ABCA3: variants seen among roughly 807,000 people sequenced by gnomAD.
ABCA3 encodes phospholipid-transporting ATPase ABCA3.
ABCA3 carries 88 observed loss-of-function variants against 172.8 expected under a neutral mutation model. The observed-to-expected ratio is 0.51, with a 90% CI of 0.43 to 0.61. ABCA3 has a LOEUF of 0.61. Ranked by LOEUF, ABCA3 falls within the 20% of genes least tolerant of loss-of-function variation. The pLI is 0.00. For missense variants in ABCA3, 2,164 were observed against 2,301.0 expected, an observed-to-expected ratio of 0.94 and a Z score of 1.22; for synonymous variants, 1,066 against 983.8, an observed-to-expected ratio of 1.08 and a Z score of -1.56.
Position 2,284,995 on chromosome 16 carries a change from C to A in ABCA3, c.3487G>T (p.Val1163Leu), listed in dbSNP as rs1399531965. The change falls in exon 24 of 33, where the codon GTG becomes TTG. Residue 1163 changes from valine to leucine, a missense_variant. Physicochemically the swap from Val to Leu is conservative, Grantham distance 32. Transcript: ENST00000301732. This position sits in a 1 kb window ranked among gnomAD's most constrained non-coding sequence, Gnocchi z 5.9. ...FLIPSLLLLV[V>L]FKAFDVRAFT... ...GCACGCACGTCGAAGGCCTTAAACA[C>A]CACCTGCGGCGGCACAGGGAGGCGC... 6.2e-7 allele frequency: 1 copy of A among 1,612,434 alleles called. No individual in the cohort carries two copies. Among genetic ancestry groups the A allele is most frequent in the African/African-American group, 1.3e-5 (1 of 74,886 alleles).
intron 1 of ABCA3, among the ~76,000 whole-genome samples, chr16:2,333,667 A>T (rs1250986867): frequency 1.3e-5 from 2 of 151,568 alleles, no homozygotes; most frequent in African/African-American, 2.4e-5. Flanking sequence ...GGTACTAAGG[A>T]TTTGGAAATG....
In ABCA3 at chr16:2,297,491, T is replaced by A. The variant is rs773728596; in HGVS notation, c.2101A>T (p.Arg701Trp). Residue 701 changes from arginine (R) to tryptophan (W), a missense_variant, in exon 17 of 33, where the codon AGG (arginine) becomes TGG (tryptophan). By Grantham distance (101) the Arg-to-Trp change is moderately radical (BLOSUM62 -3). Coordinates refer to ENST00000301732, the MANE Select transcript of ABCA3 (RefSeq NM_001089.3). This position sits in a 1 kb window ranked among gnomAD's most constrained non-coding sequence, Gnocchi z 5.6. ...PTSGMDAISRRAIWDLLQRQK... is the reference protein window; with the variant it reads ...PTSGMDAISRWAIWDLLQRQK... Reference sequence around the variant, plus strand: ...CGCTGAAGAAGATCCCAGATGGCCCTCCTGGAGATGGCGTCCATGCCCGAG... The same window carrying A: ...CGCTGAAGAAGATCCCAGATGGCCCACCTGGAGATGGCGTCCATGCCCGAG... 1.7e-5 allele frequency: 27 copies of A among 1,613,532 alleles called. No homozygotes were observed. Among genetic ancestry groups the A allele is most frequent in the Non-Finnish European group, 2.3e-5 (27 of 1,180,010 alleles).
intron 7 of ABCA3, among the ~76,000 whole-genome samples, chr16:2,322,735 T>C (rs538337402): frequency 6.6e-6 from 1 of 152,170 alleles, no homozygotes; most frequent in East Asian, 1.9e-4. Context: ...ATTCAGGACA[T>C]AGGCATGGGC....
Position 2,297,122 on chromosome 16 carries a change from C to G in ABCA3, c.2263+207G>C, listed in dbSNP as rs1454918026. ...GGTCATGGCTGAACCACATCCTAAC[C>G]AAATTGAGACTTTCAGCTCCATTTC... On this transcript the variant is annotated intron_variant, in intron 17 of 32. Transcript: ENST00000301732. This position sits in a 1 kb window ranked among gnomAD's most constrained non-coding sequence, Gnocchi z 5.6. 6.6e-6 allele frequency among the ~76,000 whole-genome samples: 1 copy of G among 152,168 alleles called. No individual in the cohort carries two copies. The highest frequency in any genetic ancestry group is 1.5e-5 in the Non-Finnish European group (1 of 68,036).
chr16:2,303,162 G>A (rs1456745797), intron 12 of ABCA3, among the ~76,000 whole-genome samples: 1 of 151,906 alleles, frequency 6.6e-6, no homozygotes, highest in Non-Finnish European at 1.5e-5. Flanking sequence ...GACAGTAAGT[G>A]TAGAGAGGGA....
At chr16:2,340,550 C>A (rs1165312383) in intron 1 of ABCA3, 23 bp downstream of exon 1, 2 of 148,864 alleles carry the variant, frequency 1.3e-5, no homozygotes, top group Admixed American at 6.7e-5. Flanking sequence ...AGCGCGCGAG[C>A]GGCGGGTCCC....
chr16:2,281,315 TCGGACCCTGGGGA>T lies in ABCA3; in HGVS notation c.4164+53_4164+65del. On this transcript the variant is annotated intron_variant, in intron 27 of 32. Transcript: ENST00000301732. This position sits in a 1 kb window ranked among gnomAD's most constrained non-coding sequence, Gnocchi z 4.7. ...GCGCCGAAAGCTTCCAGGGATGGGG[TCGGACCCTGGGGA>T]CAGCCAGGTAGTCAGCTGGCAGGAA... The T allele has an allele frequency of 6.2e-7, 1 of 1,613,000 alleles. No homozygotes were observed. The highest frequency in any genetic ancestry group is 1.3e-5 in the African/African-American group (1 of 74,972).
rs775888441 is a variant in ABCA3, at chr16:2,284,484, C to T, written c.3704-47G>A. The stretch of plus-strand genomic sequence containing the variant: ...AGTCTGCGCTGGAGGGCACACCACA[C>T]CCACCTCCAGGACGGGCCTGGTCAG... On this transcript the variant is annotated intron_variant, in intron 24 of 32. Transcript: ENST00000301732. The surrounding 1 kb of genome is among the most constrained non-coding windows in gnomAD (Gnocchi z 5.9). The T allele has an allele frequency of 6.2e-7, 1 of 1,609,798 alleles. No homozygotes were observed. The highest frequency in any genetic ancestry group is 1.3e-5 in the African/African-American group (1 of 74,944).
rs1415142617 is a variant in ABCA3, at chr16:2,288,138, G to T, written c.2892C>A (p.Gly964=). The T allele has an allele frequency of 2.5e-6, 4 of 1,612,034 alleles. No individual in the cohort carries two copies. In the Admixed American group the frequency reaches 6.7e-5, roughly 27 times the overall value. The change falls in exon 21 of 33, where the codon GGC becomes GGA. Residue 964 remains glycine (G), a synonymous_variant. Coordinates refer to ENST00000301732, the MANE Select transcript of ABCA3 (RefSeq NM_001089.3). ...PMLRLTLGEY[G]RTVVPFSVPG... is the part of the protein sequence containing the mutation. ...GAACTGAGAAGGGCACGACGGTTCT[G>T]CCGTACTCGCCCAAGGTCAGCCTCA...
chr16:2,304,462 G>T (rs2093694332), intron 11 of ABCA3, among the ~76,000 whole-genome samples: 2 of 150,846 alleles, frequency 1.3e-5, no homozygotes, highest in Admixed American at 6.6e-5. Flanking sequence ...TATGATTTCG[G>T]TAAGGCCAAC....
chr16:2,339,685 C>G (rs1328029565), intron 1 of ABCA3, among the ~76,000 whole-genome samples: 1 of 152,252 alleles, frequency 6.6e-6, no homozygotes, highest in East Asian at 1.9e-4. Flanking sequence ...TCCAGGAACA[C>G]AAACCCCAAC....
intron 10 of ABCA3, among the ~76,000 whole-genome samples, chr16:2,311,080 TCTC>T (rs1355041011): frequency 6.6e-6 from 1 of 152,044 alleles, no homozygotes; most frequent in Non-Finnish European, 1.5e-5. Flanking sequence ...TTCAAGCAAT[TCTC>T]CTGCCTCAGC....
In ABCA3 at chr16:2,305,275, G is replaced by A. The variant is rs986309350; in HGVS notation, c.1286-1125C>T. 3.3e-5 allele frequency among the ~76,000 whole-genome samples: 5 copies of A among 151,822 alleles called. No homozygotes were observed. The South Asian group carries it at 6.2e-4, about 19-fold the overall frequency. The stretch of plus-strand genomic sequence containing the variant: ...CAGCCTTCGGAGTAGCTGGGATTAC[G>A]GGAGCACGTCACCACACCTGGCTAA... On this transcript the variant is annotated intron_variant, in intron 11 of 32. Coordinates refer to ENST00000301732, the MANE Select transcript of ABCA3 (RefSeq NM_001089.3).
intron 8 of ABCA3, among the ~76,000 whole-genome samples, 179 bp from the exon 9 acceptor site, chr16:2,317,943 GCC>G (rs2093719101): frequency 6.6e-6 from 1 of 152,222 alleles, no homozygotes; most frequent in Admixed American, 6.5e-5. Context: ...TGATCTGCCT[GCC>G]TCAGCCTCCC....
At chr16:2,291,243 T>C (rs1304388074) in intron 19 of ABCA3, among the ~76,000 whole-genome samples, 3 of 151,972 alleles carry the variant, frequency 2.0e-5, no homozygotes, top group African/African-American at 7.2e-5. Context: ...GGAGAATCGC[T>C]TGAATCTGGG....
rs778860517 is a variant in ABCA3, at chr16:2,278,909, C to T, written c.4547+34G>A. On this transcript the variant is annotated intron_variant, in intron 29 of 32. Transcript: ENST00000301732. This position sits in a 1 kb window ranked among gnomAD's most constrained non-coding sequence, Gnocchi z 4.4. Reference sequence around the variant, plus strand: ...GCTATGGGGACCTTGATTCTGACTCCACTCTGGGAAGGGCCAGGGCTCGGG... The same window carrying T: ...GCTATGGGGACCTTGATTCTGACTCTACTCTGGGAAGGGCCAGGGCTCGGG... The T allele has an allele frequency of 1.6e-5, 25 of 1,612,808 alleles. No homozygotes were observed. The Middle Eastern group carries it at 9.9e-4, about 64-fold the overall frequency.
In ABCA3 at chr16:2,299,545, C is replaced by G. The variant is rs1164051375; in HGVS notation, c.1612-13G>C. 1 of 1,612,374 alleles carries G rather than the reference C, an allele frequency of 6.2e-7. No individual in the cohort carries two copies. Among genetic ancestry groups the G allele is most frequent in the East Asian group, 2.2e-5 (1 of 44,880 alleles). On this transcript the variant is annotated splice_polypyrimidine_tract_variant and intron_variant, in intron 13 of 32. Coordinates refer to ENST00000301732, the MANE Select transcript of ABCA3 (RefSeq NM_001089.3). The stretch of plus-strand genomic sequence containing the variant: ...CCACCCTGAACACCTGCAGGAAAGG[C>G]AGAGGCTGCCCTGGGCTACCCACAG...
At chr16:2,319,383 G>A (rs536715022) in intron 8 of ABCA3, among the ~76,000 whole-genome samples, 198 bp downstream of exon 8, 3 of 152,080 alleles carry the variant, frequency 2.0e-5, no homozygotes, top group East Asian at 1.9e-4. Context: ...TACTCGGGAG[G>A]CTGAGGCAGG....
chr16:2,282,992 C>T (rs1280139135), intron 26 of ABCA3, among the ~76,000 whole-genome samples, 194 bp downstream of exon 26: 1 of 152,240 alleles, frequency 6.6e-6, no homozygotes, highest in East Asian at 1.9e-4. Context: ...AACTCGACAG[C>T]CCTTGTGAGT....
Sources: gnomAD v4.1 joint callset for allele counts (sites outside exome capture counted in the v4.1 genomes callset) on GRCh38, gnomAD v4.1.1 for gene constraint, Gnocchi (gnomAD v3.1) non-coding constraint, MANE v1.5 for transcripts, NCBI Gene and HGNC (gene_info 2026-07-23, HGNC 2026-07-21) for gene names.